The following SCUBE1 variants were observed in gnomAD, a reference collection of about 807,000 sequenced individuals.
SCUBE1 encodes the protein signal peptide, CUB and EGF-like domain-containing protein 1.
A neutral mutation model predicts 124.4 loss-of-function variants in SCUBE1; 59 were observed. The observed-to-expected ratio is 0.47, with a 90% CI of 0.38 to 0.59. SCUBE1 has a LOEUF of 0.59. Among genes scored for constraint, SCUBE1 ranks in the 20% least tolerant of loss-of-function variants. The pLI is 0.00. For missense variants in SCUBE1, 1,150 were observed against 1,371.2 expected, an observed-to-expected ratio of 0.84 and a Z score of 2.55; for synonymous variants, 545 against 550.9, an observed-to-expected ratio of 0.99 and a Z score of 0.15.
In SCUBE1 at chr22:43,231,765, G is replaced by A. The variant is rs1362321482; in HGVS notation, c.955C>T (p.Arg319Cys). The A allele has an allele frequency of 5.7e-6, 9 of 1,590,854 alleles. No individual in the cohort carries two copies. The highest frequency in any genetic ancestry group is 7.7e-6 in the Non-Finnish European group (9 of 1,170,084). Residue 319 changes from arginine to cysteine, a missense_variant, in exon 8 of 22, where the codon CGC becomes TGC. By Grantham distance (180) the Arg-to-Cys change is radical. Coordinates refer to ENST00000360835, the MANE Select transcript of SCUBE1 (RefSeq NM_173050.5). ...RKGYKLLTDERTCQDIDECSF... is the reference protein window; with the variant it reads ...RKGYKLLTDECTCQDIDECSF... ...GGCAGGGGCTCACCCTGGCAGGTGC[G>A]CTCGTCGGTGAGCAGCTTGTAGCCC...
chr22:43,340,393 C>A (rs1047510412), intron 1 of SCUBE1, among the ~76,000 whole-genome samples: 5 of 152,076 alleles, frequency 3.3e-5, no homozygotes, highest in African/African-American at 1.2e-4. Flanking sequence ...CACTTTCAGT[C>A]TGGAACAGCT....
intron 5 of SCUBE1, 88 bp downstream of exon 5, chr22:43,262,632 C>T (rs921546913): frequency 4.5e-6 from 7 of 1,546,826 alleles, no homozygotes; most frequent in Non-Finnish European, 5.3e-6. Context: ...CCCTCCCTGG[C>T]CAAAGTCCAG....
chr22:43,242,024 C>T (rs376125534), intron 6 of SCUBE1, among the ~76,000 whole-genome samples: 17 of 152,354 alleles, frequency 1.1e-4, no homozygotes, highest in African/African-American at 2.6e-4. Context: ...GCCATTTATG[C>T]GGTGCCCACC....
intron 3 of SCUBE1, among the ~76,000 whole-genome samples, chr22:43,316,252 T>C (rs961673112): frequency 1.3e-5 from 2 of 152,190 alleles, no homozygotes; most frequent in Non-Finnish European, 1.5e-5. Flanking sequence ...GTAAAGTGAC[T>C]GGCCAAAGGT....
rs373822879 is a variant in SCUBE1, at chr22:43,329,452, G to C, written c.221-9387C>G. Among the ~76,000 whole-genome samples the C allele has an allele frequency of 8.3e-4, 127 of 152,362 alleles. 3 individuals are homozygous for C. The South Asian group carries it at 0.02, about 24-fold the overall frequency. ...ATGTCAGGATGCAAAGGCCGGAGAG[G>C]CCCACAGACTTGGCCCAGGCCACAT... On this transcript the variant is annotated intron_variant, in intron 2 of 21. Transcript: ENST00000360835.
chr22:43,296,937 C>T (rs1925584053), intron 3 of SCUBE1, among the ~76,000 whole-genome samples: 1 of 152,190 alleles, frequency 6.6e-6, no homozygotes, highest in South Asian at 2.1e-4. Context: ...AAGGCTGCTC[C>T]CCGTGAGCTG....
chr22:43,227,980 G>C lies in SCUBE1; in HGVS notation c.1085-484C>G, dbSNP rs770891032. Reference sequence around the variant, plus strand: ...AGCACCCGCTGAAGCTGGGGGAAGGGGCTGGGCCCCACATTCTGTTAGTTC... The same window carrying C: ...AGCACCCGCTGAAGCTGGGGGAAGGCGCTGGGCCCCACATTCTGTTAGTTC... On this transcript the variant is annotated intron_variant, in intron 9 of 21. Coordinates refer to ENST00000360835, the MANE Select transcript of SCUBE1 (RefSeq NM_173050.5). Among the ~76,000 whole-genome samples the C allele has an allele frequency of 7.7e-4, 118 of 152,296 alleles. 2 individuals are homozygous for C. The highest frequency in any genetic ancestry group is 7.2e-4 in the Non-Finnish European group (49 of 68,022).
intron 3 of SCUBE1, among the ~76,000 whole-genome samples, chr22:43,301,571 T>C (rs1404199080): frequency 6.6e-6 from 1 of 152,176 alleles, no homozygotes; most frequent in Admixed American, 6.5e-5. Context: ...CACGTGCCGC[T>C]TTCCCAGAGA....
rs377155735 is a variant in SCUBE1, at chr22:43,246,420, G to A, written c.728-7466C>T. ...GCCAGTGCTCTTCCGTGCACCAGGC[G>A]GACCCTCCAGCTGTGTGTGCCCAGG... is the stretch of plus-strand genomic sequence containing the variant. On this transcript the variant is annotated intron_variant, in intron 6 of 21. Transcript: ENST00000360835. Among the ~76,000 whole-genome samples, 137 of 152,272 alleles carry A rather than the reference G, an allele frequency of 9.0e-4. No individual in the cohort carries two copies. The South Asian group carries it at 0.017, about 18-fold the overall frequency.
At chr22:43,221,363 C>G in intron 12 of SCUBE1, 74 bp from the exon 13 acceptor site, 1 of 785,482 alleles carries the variant, frequency 1.3e-6, no homozygotes, top group Admixed American at 1.9e-5. Flanking sequence ...CGGGGGCTGC[C>G]AGGGGACAAA....
chr22:43,313,658 G>T (rs75671247), intron 3 of SCUBE1, among the ~76,000 whole-genome samples: 4 of 152,068 alleles, frequency 2.6e-5, no homozygotes, highest in African/African-American at 9.7e-5. Context: ...ATTCCCTCTG[G>T]TGTCATTTTC....
At chr22:43,307,716 G>C (rs1298169041) in intron 3 of SCUBE1, among the ~76,000 whole-genome samples, 1 of 152,198 alleles carries the variant, frequency 6.6e-6, no homozygotes, top group African/African-American at 2.4e-5. Flanking sequence ...TTCAGCCACA[G>C]CGTGAGGCCC....
At chr22:43,294,783 G>A (rs879365935) in intron 3 of SCUBE1, among the ~76,000 whole-genome samples, 3 of 152,156 alleles carry the variant, frequency 2.0e-5, no homozygotes, top group Non-Finnish European at 2.9e-5. Flanking sequence ...GTGCATGGAT[G>A]GGTCCTGTGT....
At chr22:43,321,318 A>C (rs1926546236) in intron 2 of SCUBE1, among the ~76,000 whole-genome samples, 1 of 152,212 alleles carries the variant, frequency 6.6e-6, no homozygotes, top group African/African-American at 2.4e-5. Flanking sequence ...TGCCGCAGGG[A>C]GACACGGAAC....
chr22:43,214,176 T>C lies in SCUBE1; in HGVS notation c.1967A>G (p.Asp656Gly). ...TGTGCAACTGAGCTGGCCTTCCATG[T>C]CCTGGTATGTTCCTGGCATACATGA... ...CVSCMPGTYQDMEGQLSCTPC... is the reference protein window; with the variant it reads ...CVSCMPGTYQGMEGQLSCTPC... Residue 656 changes from aspartate to glycine, a missense_variant, in exon 16 of 22, where the codon GAC becomes GGC. Around this residue, in one of 3 missense-constraint regions of SCUBE1, gnomAD observed 757 missense variants for 840.9 expected, o/e 0.90. Transcript: ENST00000360835. The C allele has an allele frequency of 6.2e-7, 1 of 1,613,004 alleles. No homozygotes were observed. The highest frequency in any genetic ancestry group is 8.5e-7 in the Non-Finnish European group (1 of 1,179,888).
At position 43,339,211 on chromosome 22, in the gene SCUBE1, G is replaced by T. The variant is rs1331736218; in HGVS notation, c.113C>A (p.Ser38Ter). Reference protein sequence around the residue: ...LPGSVDVDECSEGTDDCHIDA... With the variant: ...LPGSVDVDEC The stretch of plus-strand genomic sequence containing the variant: ...GATGTGGCAGTCATCTGTGCCCTCT[G>T]AGCACTCATCCACGTCGACTGACCC... The change falls in exon 2 of 22, where the codon TCA becomes TAA. Residue 38 changes from serine (S) to a stop codon, truncating the protein, a stop_gained. Coordinates refer to ENST00000360835, the MANE Select transcript of SCUBE1 (RefSeq NM_173050.5). LOFTEE classifies it high-confidence loss of function. The T allele has an allele frequency of 1.9e-6, 3 of 1,613,712 alleles. No homozygotes were observed.
At chr22:43,229,049 G>A (rs1345272299) in intron 9 of SCUBE1, 23 bp downstream of exon 9, 1 of 1,555,578 alleles carries the variant, frequency 6.4e-7, no homozygotes. Context: ...GGGGGAGGTG[G>A]CCCTGGCGGG....
At chr22:43,310,623 T>A (rs1185189290) in intron 3 of SCUBE1, among the ~76,000 whole-genome samples, 1 of 152,258 alleles carries the variant, frequency 6.6e-6, no homozygotes, top group Non-Finnish European at 1.5e-5. Context: ...CCTGTCTGAC[T>A]TCTTGCGCCA....
chr22:43,258,245 A>G lies in SCUBE1; in HGVS notation c.701T>C (p.Leu234Pro). The part of the protein sequence containing the change: ...PTCGCHQKYA[L>P]HSDGRTCIET... ...GATGCACGTGCGACCGTCTGAGTGG[A>G]GGGCGTACTTCTGGTGGCAACCACA... Residue 234 changes from leucine to proline, a missense_variant, in exon 6 of 22, where the codon CTC becomes CCC. Physicochemically the swap from Leu to Pro is moderately conservative, Grantham distance 98 (BLOSUM62 -3). This residue lies in a region of SCUBE1 where 337 missense variants were observed against 482.1 expected (regional missense o/e 0.70). Transcript: ENST00000360835. The surrounding 1 kb of genome is among the most constrained non-coding windows in gnomAD (Gnocchi z 5.0). The G allele has an allele frequency of 1.2e-6, 2 of 1,613,706 alleles. No individual in the cohort carries two copies. The highest frequency in any genetic ancestry group is 1.7e-6 in the Non-Finnish European group (2 of 1,179,720).
Sources: allele counts gnomAD v4.1 joint callset (sites outside exome capture counted in the v4.1 genomes callset), GRCh38; gene constraint gnomAD v4.1.1; regional missense constraint gnomAD v4.1.1; non-coding constraint Gnocchi (gnomAD v3.1); transcripts MANE v1.5; gene names NCBI Gene and HGNC (gene_info 2026-07-23, HGNC 2026-07-21).